The following ELK4 variants were observed in gnomAD, a reference collection of about 807,000 sequenced individuals.
ELK4 encodes the protein ETS domain-containing protein Elk-4.
Under a neutral mutation model 29.6 loss-of-function variants are expected in ELK4, and 16 were observed. That is an observed-to-expected ratio of 0.54 (90% confidence interval 0.37 to 0.82). The LOEUF is 0.82. ELK4 is among the 40% of genes least tolerant of loss of function. ELK4 has a pLI of 0.00. For missense variants in ELK4, 465 were observed against 507.1 expected, an observed-to-expected ratio of 0.92 and a Z score of 0.80; for synonymous variants, 213 against 191.1, an observed-to-expected ratio of 1.11 and a Z score of -0.95.
At chr1:205,619,111 T>C in intron 3 of ELK4, 38 bp from the exon 4 acceptor site, 1 of 1,461,814 alleles carries the variant, frequency 6.8e-7, no homozygotes. Context: ...CTGACTGACT[T>C]ACCAGGATGT....
chr1:205,628,206 G>A (rs1013076206), intron 1 of ELK4, among the ~76,000 whole-genome samples: 1 of 152,220 alleles, frequency 6.6e-6, no homozygotes, highest in Non-Finnish European at 1.5e-5. Flanking sequence ...CATTAAGTAT[G>A]GTGGAAGCAG....
rs1670175114 is a variant in ELK4 at position 205,612,999 on chromosome 1, T to C, written c.*3547A>G. The C allele has an allele frequency of 4.8e-6, 1 of 207,850 alleles. No individual in the cohort carries two copies. Among genetic ancestry groups the C allele is most frequent in the South Asian group, 1.9e-4 (1 of 5,306 alleles). The allele number at this position is 207,850 out of a possible 1,614,324, so 12.9% of individuals were successfully genotyped here. ...AACTCTAAGAAGCTTACGGTTGACC[T>C]TTCAAGGGCCTCTAATTCTTTTTTT... On this transcript the variant is annotated 3_prime_UTR_variant, in exon 5 of 5. Transcript: ENST00000357992.
rs1366411065 is a variant in ELK4, at chr1:205,611,437, G to A, written c.*5109C>T. 4.8e-6 allele frequency: 1 copy of A among 209,326 alleles called. No homozygotes were observed. The highest frequency in any genetic ancestry group is 2.3e-5 in the African/African-American group (1 of 44,068). The allele number at this position is 209,326 out of a possible 1,614,324, so 13.0% of individuals were successfully genotyped here. On this transcript the variant is annotated 3_prime_UTR_variant, in exon 5 of 5. Transcript: ENST00000357992. ...AGTAAGCAGAGTTCTGATGACATAA[G>A]AGGAATAACAGGGCACTTTGTTTCA... is the stretch of plus-strand genomic sequence containing the variant.
At chr1:205,630,367 CT>C (rs1315574592) in intron 1 of ELK4, among the ~76,000 whole-genome samples, 1 of 152,122 alleles carries the variant, frequency 6.6e-6, no homozygotes, top group Non-Finnish European at 1.5e-5. Flanking sequence ...TAAATAAAAC[CT>C]TTTCCACCCT....
At position 205,616,649 on chromosome 1, in the gene ELK4, GA is replaced by G; in HGVS notation, c.1198-6del. On this transcript the variant is annotated splice_region_variant and splice_polypyrimidine_tract_variant and intron_variant, in intron 4 of 4. Coordinates refer to ENST00000357992, the MANE Select transcript of ELK4 (RefSeq NM_001973.4). The stretch of plus-strand genomic sequence containing the variant: ...ACTGTTCAGTACAGAAGGAAACTGA[GA>G]AAGAAAACAAAACACATTATCATCC... 4 of 1,610,396 alleles carry G rather than the reference GA, an allele frequency of 2.5e-6. No individual in the cohort carries two copies. Among genetic ancestry groups the G allele is most frequent in the East Asian group, 2.2e-5 (1 of 44,768 alleles).
Position 205,614,212 on chromosome 1 carries a change from T to C in ELK4, c.*2334A>G, listed in dbSNP as rs1670195677. Reference sequence around the variant, plus strand: ...AGTTGCTTCAACTGAGTTTCAATGGTGCCCTTGGTTCCAAGGTACCTCTGT... The same window carrying C: ...AGTTGCTTCAACTGAGTTTCAATGGCGCCCTTGGTTCCAAGGTACCTCTGT... On this transcript the variant is annotated 3_prime_UTR_variant, in exon 5 of 5. Transcript: ENST00000357992. The C allele has an allele frequency of 4.5e-6, 1 of 219,840 alleles. No individual in the cohort carries two copies. Among genetic ancestry groups the C allele is most frequent in the South Asian group, 1.8e-4 (1 of 5,436 alleles). The allele number at this position is 219,840 out of a possible 1,614,324, so 13.6% of individuals were successfully genotyped here.
chr1:205,618,941 A>G lies in ELK4; in HGVS notation c.1197+16T>C, dbSNP rs1670279396. 1 of 1,581,564 alleles carries G rather than the reference A, an allele frequency of 6.3e-7. No individual in the cohort carries two copies. The highest frequency in any genetic ancestry group is 8.7e-7 in the Non-Finnish European group (1 of 1,155,002). ...AACATGCTCCAACTACAGAAGACAG[A>G]TATTTATAAAATTACCTGGAAAAGT... On this transcript the variant is annotated intron_variant, in intron 4 of 4. Coordinates refer to ENST00000357992, the MANE Select transcript of ELK4 (RefSeq NM_001973.4).
chr1:205,619,348 TAAATTCTG>T, intron 3 of ELK4: 1 of 1,071,162 alleles, frequency 9.3e-7, no homozygotes, highest in Non-Finnish European at 1.1e-6. Flanking sequence ...TCTTTGGTGG[TAAATTCTG>T]AGATTCTGGT....
rs1670102174 is a variant in ELK4 at position 205,608,230 on chromosome 1, G to A, written c.*8316C>T. The A allele has an allele frequency of 5.5e-6, 1 of 180,570 alleles. No homozygotes were observed. The highest frequency in any genetic ancestry group is 6.3e-5 in the Admixed American group (1 of 15,778). 11.2% of individuals were successfully genotyped at this position (180,570 alleles called of 1,614,324 possible). A position where few individuals can be genotyped will look rare whatever the true frequency, so the allele number is the denominator to read the frequency against. On this transcript the variant is annotated 3_prime_UTR_variant, in exon 5 of 5. Transcript: ENST00000357992. The stretch of plus-strand genomic sequence containing the variant: ...GATAGAAAAAATGATCACCTGATTG[G>A]TCAGAGCAACCCCTTACTATGTCTG...
intron 1 of ELK4, among the ~76,000 whole-genome samples, chr1:205,628,567 T>C (rs1028024897): frequency 1.3e-5 from 2 of 152,218 alleles, no homozygotes; most frequent in Non-Finnish European, 2.9e-5. Flanking sequence ...AGAGTCTTAA[T>C]ACCTATTATG....
rs1670326944 is a variant in ELK4, at chr1:205,620,823, C to T, written c.223G>A (p.Val75Met). Reference sequence around the variant, plus strand: ...TTGTACACAAACTTCTGACCATTCACTTTTTTGATGATATTCTGTAGGTTA... The same window carrying T: ...TTGTACACAAACTTCTGACCATTCATTTTTTTGATGATATTCTGTAGGTTA... ...YYYVKNIIKK[V>M]NGQKFVYKFV... is the part of the protein sequence containing the mutation. Residue 75 changes from valine to methionine, a missense_variant, in exon 3 of 5, where the codon GTG becomes ATG. By Grantham distance (21) the Val-to-Met change is conservative. Around this residue, in one of 2 missense-constraint regions of ELK4, gnomAD observed 385 missense variants for 387.5 expected, o/e 0.99. Coordinates refer to ENST00000357992, the MANE Select transcript of ELK4 (RefSeq NM_001973.4). The T allele has an allele frequency of 6.2e-7, 1 of 1,608,620 alleles. No individual in the cohort carries two copies. Among genetic ancestry groups the T allele is most frequent in the South Asian group, 1.1e-5 (1 of 90,558 alleles).
In ELK4 at chr1:205,610,584, G is replaced by A. The variant is rs1165808044; in HGVS notation, c.*5962C>T. 8.7e-6 allele frequency: 2 copies of A among 230,150 alleles called. No individual in the cohort carries two copies. Among genetic ancestry groups the A allele is most frequent in the Non-Finnish European group, 1.7e-5 (2 of 116,258 alleles). The allele number at this position is 230,150 out of a possible 1,614,324, so 14.3% of individuals were successfully genotyped here. A position where few individuals can be genotyped will look rare whatever the true frequency, so the allele number is the denominator to read the frequency against. ...ACAGTTTACTATGACTTTGTTTAGA[G>A]TATGTCACATGTAAGCAGTGTATTT... On this transcript the variant is annotated 3_prime_UTR_variant, in exon 5 of 5. Transcript: ENST00000357992.
chr1:205,612,722 G>C lies in ELK4; in HGVS notation c.*3824C>G. ...CAGGATGAAACAATGTTGTCAGACT[G>C]GACGTCACACAATGCAGGGGTGAAT... On this transcript the variant is annotated 3_prime_UTR_variant, in exon 5 of 5. Coordinates refer to ENST00000357992, the MANE Select transcript of ELK4 (RefSeq NM_001973.4). 4.8e-6 allele frequency: 1 copy of C among 210,500 alleles called. No homozygotes were observed. The highest frequency in any genetic ancestry group is 9.6e-6 in the Non-Finnish European group (1 of 103,720). The allele number at this position is 210,500 out of a possible 1,614,324, so 13.0% of individuals were successfully genotyped here.
In ELK4 at chr1:205,616,555, C is replaced by T. The variant is rs771624482; in HGVS notation, c.1287G>A (p.Gln429=). 12 of 1,613,952 alleles carry T rather than the reference C, an allele frequency of 7.4e-6. No homozygotes were observed. Residue 429 remains glutamine (Q), a synonymous_variant, in exon 5 of 5, where the codon CAG becomes CAA. Coordinates refer to ENST00000357992, the MANE Select transcript of ELK4 (RefSeq NM_001973.4). The part of the protein sequence containing the change: ...STPGPFSPDL[Q]KT ...TCCACAAGTGCATAGGTTATGTCTT[C>T]TGTAGGTCTGGGGAAAATGGGCCAG...
At chr1:205,626,204 C>A in intron 1 of ELK4, 1 of 576,812 alleles carries the variant, frequency 1.7e-6, no homozygotes, top group Non-Finnish European at 3.4e-6. Flanking sequence ...GAGAGGTGGC[C>A]TCCCTTTCTT....
In ELK4 at chr1:205,609,257, T is replaced by C. The variant is rs1381953877; in HGVS notation, c.*7289A>G. The C allele has an allele frequency of 1.1e-5, 2 of 188,386 alleles. No homozygotes were observed. The highest frequency in any genetic ancestry group is 1.2e-4 in the Admixed American group (2 of 16,136). 11.7% of individuals were successfully genotyped at this position (188,386 alleles called of 1,614,324 possible). A position where few individuals can be genotyped will look rare whatever the true frequency, so the allele number is the denominator to read the frequency against. Reference sequence around the variant, plus strand: ...CCTTATTTTTTAGCCAATTTGATTATTTGGTAAAGCAAGGGCATAATTTTA... The same window carrying C: ...CCTTATTTTTTAGCCAATTTGATTACTTGGTAAAGCAAGGGCATAATTTTA... On this transcript the variant is annotated 3_prime_UTR_variant, in exon 5 of 5. Coordinates refer to ENST00000357992, the MANE Select transcript of ELK4 (RefSeq NM_001973.4).
chr1:205,630,096 CAA>C (rs113979690), intron 1 of ELK4, among the ~76,000 whole-genome samples: 9 of 140,556 alleles, frequency 6.4e-5, no homozygotes, highest in Admixed American at 5.0e-4. Flanking sequence ...TGTTACCTAT[CAA>C]AAAAAAAAAA....
At position 205,613,496 on chromosome 1, in the gene ELK4, G is replaced by A. The variant is rs1670185007; in HGVS notation, c.*3050C>T. The A allele has an allele frequency of 5.4e-6, 1 of 184,844 alleles. No homozygotes were observed. Among genetic ancestry groups the A allele is most frequent in the African/African-American group, 2.4e-5 (1 of 42,540 alleles). The allele number at this position is 184,844 out of a possible 1,614,324, so 11.5% of individuals were successfully genotyped here. A position where few individuals can be genotyped will look rare whatever the true frequency, so the allele number is the denominator to read the frequency against. On this transcript the variant is annotated 3_prime_UTR_variant, in exon 5 of 5. Transcript: ENST00000357992. ...GTAAATGCAATGGTTTGCCAGCACT[G>A]GCTCTGAGCCAACTGTGCACATCCT...
intron 1 of ELK4, among the ~76,000 whole-genome samples, chr1:205,626,971 A>C (rs1670477806): frequency 6.6e-6 from 1 of 152,226 alleles, no homozygotes; most frequent in Non-Finnish European, 1.5e-5. Context: ...CCAGCCACAG[A>C]AAGGAATGAG....
Sources: gnomAD v4.1 joint callset for allele counts (sites outside exome capture counted in the v4.1 genomes callset) on GRCh38, gnomAD v4.1.1 for gene constraint, gnomAD v4.1.1 regional missense constraint, MANE v1.5 for transcripts, NCBI Gene and HGNC (gene_info 2026-07-23, HGNC 2026-07-21) for gene names.